The following IL1RAPL2 variants were observed in gnomAD, a reference collection of about 807,000 sequenced individuals.
The protein encoded by IL1RAPL2 is X-linked interleukin-1 receptor accessory protein-like 2.
In IL1RAPL2, 3 loss-of-function variants were observed where a neutral mutation model predicts 44.1. The observed-to-expected ratio is 0.07, with a 90% CI of 0.03 to 0.18. IL1RAPL2 has a LOEUF of 0.18. Among genes scored for constraint, IL1RAPL2 ranks in the 10% least tolerant of loss-of-function variants. The pLI is 1.00. For synonymous variants in IL1RAPL2, 181 were observed against 178.8 expected, an observed-to-expected ratio of 1.01 and a Z score of -0.10; for missense variants, 391 against 496.4, an observed-to-expected ratio of 0.79 and a Z score of 2.02.
At chrX:104,658,500 G>GA (rs1263100340) in intron 1 of IL1RAPL2, among the ~76,000 whole-genome samples, 4 of 111,971 alleles carry the variant, frequency 3.6e-5, no homozygotes, top group African/African-American at 1.3e-4. Flanking sequence ...AGAATTAGGA[G>GA]AAAAAACTTC....
At position 105,677,474 on chromosome X, in the gene IL1RAPL2, G is replaced by T. The variant is rs1001920342; in HGVS notation, c.773-39893G>T. 2.8e-4 allele frequency among the ~76,000 whole-genome samples: 31 copies of T among 112,359 alleles called. 2 individuals are homozygous for T. Among genetic ancestry groups the T allele is most frequent in the Admixed American group, 1.8e-3 (19 of 10,575 alleles). ...CCAGGCTCTATAGAACAAACAAAGA[G>T]AAATACTTGCATTAAGTTGCAGACA... is the stretch of plus-strand genomic sequence containing the variant. On this transcript the variant is annotated intron_variant, in intron 6 of 10. Coordinates refer to ENST00000372582, the MANE Select transcript of IL1RAPL2 (RefSeq NM_017416.2).
At chrX:105,314,239 G>A (rs1603060709) in intron 5 of IL1RAPL2, among the ~76,000 whole-genome samples, 1 of 109,851 alleles carries the variant, frequency 9.1e-6, no homozygotes, top group Non-Finnish European at 1.9e-5. Flanking sequence ...GTCTCCTTTA[G>A]TGGCTTCTTC....
At chrX:104,848,447 AT>A in intron 2 of IL1RAPL2, among the ~76,000 whole-genome samples, 2 of 86,714 alleles carry the variant, frequency 2.3e-5, no homozygotes, top group East Asian at 3.5e-4. Flanking sequence ...ATATATATAT[AT>A]ATAACTTAAA....
At chrX:104,648,125 A>G (rs1930082541) in intron 1 of IL1RAPL2, 4 of 385,408 alleles carry the variant, frequency 1.0e-5, no homozygotes, top group African/African-American at 1.0e-4. Flanking sequence ...TCAGGCATGC[A>G]TACATACATA....
intron 2 of IL1RAPL2, among the ~76,000 whole-genome samples, chrX:104,950,496 C>T (rs1322325368): frequency 1.8e-5 from 2 of 112,465 alleles, no homozygotes; most frequent in African/African-American, 6.5e-5. Context: ...TGGTGGGCTC[C>T]ACCCATTTCG....
intron 6 of IL1RAPL2, among the ~76,000 whole-genome samples, chrX:105,533,508 A>G (rs1053987339): frequency 7.2e-5 from 8 of 111,834 alleles, no homozygotes; most frequent in African/African-American, 2.3e-4. Context: ...CCATTTTATC[A>G]CATGTATAGC....
At chrX:105,312,431 T>G (rs1736867) in intron 5 of IL1RAPL2, among the ~76,000 whole-genome samples, 2 of 110,840 alleles carry the variant, frequency 1.8e-5, no homozygotes, top group Non-Finnish European at 3.8e-5. Context: ...GCCTTTAATT[T>G]TCAATCCCAA....
At position 105,620,612 on chromosome X, in the gene IL1RAPL2, T is replaced by A. The variant is rs1251134992; in HGVS notation, c.773-96755T>A. Among the ~76,000 whole-genome samples the A allele has an allele frequency of 1.3e-4, 14 of 110,189 alleles. 1 individual carries two copies. In the Admixed American group the frequency reaches 1.4e-3, roughly 11 times the overall value. The stretch of plus-strand genomic sequence containing the variant: ...CAGAGTGGGGTTTCAAATACACATT[T>A]GTCTGAATCAAGAACTTTCATCTCC... On this transcript the variant is annotated intron_variant, in intron 6 of 10. Transcript: ENST00000372582.
chrX:105,084,062 T>G, intron 2 of IL1RAPL2, among the ~76,000 whole-genome samples: 1 of 112,570 alleles, frequency 8.9e-6, no homozygotes, highest in Non-Finnish European at 1.9e-5. Context: ...TTTAGAAACC[T>G]CTGCCTAGAT....
Position 105,535,170 on chromosome X carries a change from C to T in IL1RAPL2, c.772+50783C>T, listed in dbSNP as rs182767187. Among the ~76,000 whole-genome samples the T allele has an allele frequency of 3.1e-4, 35 of 111,635 alleles. No individual in the cohort carries two copies. The East Asian group carries it at 5.9e-3, about 19-fold the overall frequency. On this transcript the variant is annotated intron_variant, in intron 6 of 10. Coordinates refer to ENST00000372582, the MANE Select transcript of IL1RAPL2 (RefSeq NM_017416.2). ...TTCTCAGAATTCAACAATAAGAAAACGACATAAAGAAGGCATAAAGAAGAG... is the reference window on the plus strand; with the variant it reads ...TTCTCAGAATTCAACAATAAGAAAATGACATAAAGAAGGCATAAAGAAGAG...
At chrX:105,218,593 C>T (rs988611487) in intron 3 of IL1RAPL2, among the ~76,000 whole-genome samples, 2 of 110,626 alleles carry the variant, frequency 1.8e-5, no homozygotes, top group African/African-American at 3.3e-5. Context: ...AGGGAGAGAG[C>T]GAGCGAGACA....
At chrX:105,033,103 G>C (rs1248050670) in intron 2 of IL1RAPL2, among the ~76,000 whole-genome samples, 1 of 110,752 alleles carries the variant, frequency 9.0e-6, no homozygotes, top group East Asian at 2.8e-4. Context: ...CCTTTATTTT[G>C]TGGCTATGTG....
chrX:104,925,384 T>C (rs1312680257), intron 2 of IL1RAPL2, among the ~76,000 whole-genome samples: 1 of 110,839 alleles, frequency 9.0e-6, no homozygotes, highest in African/African-American at 3.3e-5. Context: ...TACCAAGACC[T>C]GGCAGAGACA....
chrX:105,693,690 G>A (rs910786814), intron 6 of IL1RAPL2, among the ~76,000 whole-genome samples: 2 of 111,734 alleles, frequency 1.8e-5, no homozygotes, highest in African/African-American at 6.5e-5. Flanking sequence ...GATTATCTGG[G>A]TGGGCCCAAT....
Position 104,648,018 on chromosome X carries a change from CCT to C in IL1RAPL2, c.-19-10873_-19-10872del, listed in dbSNP as rs1216565868. On this transcript the variant is annotated intron_variant, in intron 1 of 10. Transcript: ENST00000372582. ...GCAGCCATGTTTTCTTCTGCTGGAC[CCT>C]CTCACACCTGCTTCCACTCTGACCT... 37 of 583,925 alleles carry C rather than the reference CCT, an allele frequency of 6.3e-5. No homozygotes were observed. The African/African-American group carries it at 7.7e-4, about 12-fold the overall frequency. 48.1% of individuals were successfully genotyped at this position (583,925 alleles called of 1,213,427 possible). A position where few individuals can be genotyped will look rare whatever the true frequency, so the allele number is the denominator to read the frequency against.
chrX:105,525,998 T>C (rs1364628278), intron 6 of IL1RAPL2, among the ~76,000 whole-genome samples: 1 of 111,616 alleles, frequency 9.0e-6, no homozygotes, highest in Non-Finnish European at 1.9e-5. Flanking sequence ...CATTTTGAGA[T>C]TCATACATGG....
chrX:105,226,385 C>CTTTTTTTTTTTTTTTTTTTTTTTTTTT (rs35192051), intron 3 of IL1RAPL2, among the ~76,000 whole-genome samples: 1 of 53,330 alleles, frequency 1.9e-5, no homozygotes, highest in African/African-American at 9.5e-5. Context: ...TTTCTTTTCC[C>CTTTTTTTTTTTTTTTTTTTTTTTTTTT]TTTTTTTTTT....
rs759966351 is a variant in IL1RAPL2 at position 104,949,786 on chromosome X, G to T, written c.83-245689G>T. Among the ~76,000 whole-genome samples the T allele has an allele frequency of 8.1e-5, 9 of 111,669 alleles. No individual in the cohort carries two copies. In the East Asian group the frequency reaches 1.7e-3, roughly 21 times the overall value. On this transcript the variant is annotated intron_variant, in intron 2 of 10. Transcript: ENST00000372582. ...TGATTGCACTGTGGTCTGAGAGACA[G>T]TTTGTTATAATTTCTGTTCTTTTAC...
chrX:104,758,594 T>A (rs772240621), intron 2 of IL1RAPL2, among the ~76,000 whole-genome samples: 4 of 111,652 alleles, frequency 3.6e-5, no homozygotes, highest in Non-Finnish European at 7.6e-5. Flanking sequence ...TATGAGTGAC[T>A]GAAAAGGGAA....
Sources: gnomAD v4.1 joint callset for allele counts (sites outside exome capture counted in the v4.1 genomes callset) on GRCh38, gnomAD v4.1.1 for gene constraint, MANE v1.5 for transcripts, NCBI Gene and HGNC (gene_info 2026-07-23, HGNC 2026-07-21) for gene names.